Variants in DOP1B observed in about 807,000 individuals in gnomAD.
The protein encoded by DOP1B is protein DOP1B.
Under a neutral mutation model 233.5 loss-of-function variants are expected in DOP1B, and 174 were observed. The observed-to-expected ratio is 0.75, with a 90% CI of 0.66 to 0.85. DOP1B has a LOEUF of 0.85. Among genes scored for constraint, DOP1B ranks in the 40% least tolerant of loss-of-function variants. DOP1B has a pLI of 0.00. For synonymous variants in DOP1B, 1,190 were observed against 1,185.6 expected, an observed-to-expected ratio of 1.00 and a Z score of -0.08; for missense variants, 2,652 against 2,846.6, an observed-to-expected ratio of 0.93 and a Z score of 1.56.
rs368212998 is a variant in DOP1B, at chr21:36,211,978, C to G, written c.785C>G (p.Ser262Cys). ...ATTTCTCTGTCCTTCTAATAGGATT[C>G]CAATGAGAGAGCCATCCCCCTCCTC... ...FFFPFYTCLD[S>C]NERAIPLLRS... Residue 262 changes from serine (S) to cysteine (C), a missense_variant, in exon 7 of 37, where the codon TCC (serine) becomes TGC (cysteine). Physicochemically the swap from Ser to Cys is moderately radical, Grantham distance 112 (BLOSUM62 -1). Around this residue, in one of 3 missense-constraint regions of DOP1B, gnomAD observed 2,617 missense variants for 2,794.3 expected, o/e 0.94. Transcript: ENST00000691173. 4.3e-6 allele frequency: 7 copies of G among 1,613,860 alleles called. No homozygotes were observed. The highest frequency in any genetic ancestry group is 5.9e-6 in the Non-Finnish European group (7 of 1,179,996).
At chr21:36,276,554 A>G (rs778284319) in intron 27 of DOP1B, among the ~76,000 whole-genome samples, 6 of 151,826 alleles carry the variant, frequency 4.0e-5, no homozygotes, top group Non-Finnish European at 7.4e-5. Flanking sequence ...AAAAAGTTGA[A>G]TGATGGCCAG....
intron 2 of DOP1B, among the ~76,000 whole-genome samples, chr21:36,190,489 C>G (rs922435636): frequency 1.3e-5 from 2 of 151,864 alleles, no homozygotes; most frequent in Non-Finnish European, 2.9e-5. Flanking sequence ...CCTCTGCCTC[C>G]CGGGTTCAAG....
At position 36,250,545 on chromosome 21, in the gene DOP1B, T is replaced by C. The variant is rs533950476; in HGVS notation, c.4999-617T>C. The stretch of plus-strand genomic sequence containing the variant: ...GAGAGGATTTAACTACGGTGGGCAC[T>C]GCAGGCTGAGAGAGCGGTAGGATTT... On this transcript the variant is annotated intron_variant, in intron 21 of 36. Coordinates refer to ENST00000691173, the MANE Select transcript of DOP1B (RefSeq NM_001320714.2). 2.5e-4 allele frequency among the ~76,000 whole-genome samples: 38 copies of C among 152,242 alleles called. 1 individual carries two copies. The South Asian group carries it at 7.9e-3, about 32-fold the overall frequency.
chr21:36,159,425 C>T (rs6517333), intron 1 of DOP1B, among the ~76,000 whole-genome samples: 125,874 of 151,918 alleles, frequency 0.83, 52,311 homozygotes, highest in Non-Finnish European at 0.87. Flanking sequence ...CACTCCAGCC[C>T]GGTCAACAAG....
chr21:36,157,695 A>G (rs988357433), intron 1 of DOP1B, among the ~76,000 whole-genome samples: 1 of 152,238 alleles, frequency 6.6e-6, no homozygotes, highest in Non-Finnish European at 1.5e-5. Context: ...TTGAAAGACC[A>G]CATTCAAAAC....
intron 4 of DOP1B, among the ~76,000 whole-genome samples, chr21:36,203,744 G>T (rs2066398274): frequency 6.6e-6 from 1 of 152,090 alleles, no homozygotes; most frequent in African/African-American, 2.4e-5. Context: ...TGTAGGTGGA[G>T]GCTGTCCCTG....
intron 26 of DOP1B, among the ~76,000 whole-genome samples, chr21:36,265,017 C>A (rs770394839): frequency 6.6e-6 from 1 of 152,200 alleles, no homozygotes; most frequent in Non-Finnish European, 1.5e-5. Flanking sequence ...GATACTACTG[C>A]TAATCTTTAT....
chr21:36,246,289 C>A lies in DOP1B; in HGVS notation c.4309C>A (p.Leu1437Met). Reference sequence around the variant, plus strand: ...GGACCAGATCTGGAGTGAGCACCCGCTGCAGATTGAGCTGCTGAAGCTGCT... The same window carrying A: ...GGACCAGATCTGGAGTGAGCACCCGATGCAGATTGAGCTGCTGAAGCTGCT... The part of the protein sequence containing the change: ...GQDQIWSEHP[L>M]QIELLKLLQV... Residue 1437 changes from leucine (L) to methionine (M), a missense_variant, in exon 19 of 37, where the codon CTG becomes ATG. This residue lies in a region of DOP1B where 2,617 missense variants were observed against 2,794.3 expected (regional missense o/e 0.94). Transcript: ENST00000691173. This position sits in a 1 kb window ranked among gnomAD's most constrained non-coding sequence, Gnocchi z 5.1. 1 of 1,613,994 alleles carries A rather than the reference C, an allele frequency of 6.2e-7. No individual in the cohort carries two copies.
rs1256523218 is a variant in DOP1B at position 36,232,875 on chromosome 21, T to C, written c.2422T>C (p.Tyr808His). The C allele has an allele frequency of 1.2e-6, 2 of 1,613,840 alleles. No individual in the cohort carries two copies. The highest frequency in any genetic ancestry group is 1.7e-6 in the Non-Finnish European group (2 of 1,179,990). Residue 808 changes from tyrosine (Y) to histidine (H), a missense_variant, in exon 15 of 37, where the codon TAC becomes CAC. This residue lies in a region of DOP1B where 2,617 missense variants were observed against 2,794.3 expected (regional missense o/e 0.94). Coordinates refer to ENST00000691173, the MANE Select transcript of DOP1B (RefSeq NM_001320714.2). The part of the protein sequence containing the change: ...MTICCCVTDC[Y>H]LQNVAISTLL... ...TATTTGCTGCTGTGTGACTGACTGC[T>C]ACCTCCAGAACGTGGCCATTTCCAC...
At chr21:36,233,736 G>A (rs1184547617) in intron 15 of DOP1B, among the ~76,000 whole-genome samples, 1 of 152,192 alleles carries the variant, frequency 6.6e-6, no homozygotes. Context: ...TTATGGTTGT[G>A]TTGCTTGGGA....
chr21:36,176,087 G>GGTGTGTGCGTGTGTGTGT (rs1555886131), intron 2 of DOP1B, among the ~76,000 whole-genome samples: 41 of 96,592 alleles, frequency 4.2e-4, no homozygotes, highest in African/African-American at 1.3e-3. Flanking sequence ...TCGACTTTGG[G>GGTGTGTGCGTGTGTGTGT]GTGTGTGTGC....
intron 2 of DOP1B, among the ~76,000 whole-genome samples, chr21:36,195,517 G>A (rs9980048): frequency 0.14 from 21,446 of 152,078 alleles, 1,814 homozygotes; most frequent in South Asian, 0.21. Flanking sequence ...CTGGGTGACA[G>A]AGTGAGACCC....
intron 2 of DOP1B, among the ~76,000 whole-genome samples, chr21:36,186,215 A>G (rs1013019065): frequency 1.3e-4 from 20 of 151,230 alleles, no homozygotes; most frequent in Middle Eastern, 6.8e-3. Flanking sequence ...AAAAAAAAAA[A>G]GAAGTAATTT....
chr21:36,214,554 T>G lies in DOP1B; in HGVS notation c.1127T>G (p.Ile376Arg). Residue 376 changes from isoleucine to arginine, a missense_variant and splice_region_variant, in exon 9 of 37, where the codon ATA becomes AGA. Ile to Arg is a moderately conservative substitution (Grantham distance 97, BLOSUM62 -3). Around this residue, in one of 3 missense-constraint regions of DOP1B, gnomAD observed 2,617 missense variants for 2,794.3 expected, o/e 0.94. Transcript: ENST00000691173. Reference protein sequence around the residue: ...VLISLLDKPEIGPQVVGNLFL... With the variant: ...VLISLLDKPERGPQVVGNLFL... Reference sequence around the variant, plus strand: ...ATCAGTCTGCTTGACAAGCCAGAAATAGGTAATGTTAGAAATGCTGCTTCT... The same window carrying G: ...ATCAGTCTGCTTGACAAGCCAGAAAGAGGTAATGTTAGAAATGCTGCTTCT... 3 of 1,613,352 alleles carry G rather than the reference T, an allele frequency of 1.9e-6. No individual in the cohort carries two copies. The highest frequency in any genetic ancestry group is 2.5e-6 in the Non-Finnish European group (3 of 1,179,738).
At chr21:36,195,529 G>C (rs1242160441) in intron 2 of DOP1B, among the ~76,000 whole-genome samples, 1 of 152,046 alleles carries the variant, frequency 6.6e-6, no homozygotes, top group Non-Finnish European at 1.5e-5. Flanking sequence ...GTGAGACCCT[G>C]TCTCAAAAAA....
At chr21:36,205,462 C>A (rs1040516679) in intron 4 of DOP1B, among the ~76,000 whole-genome samples, 6 of 151,998 alleles carry the variant, frequency 3.9e-5, no homozygotes, top group African/African-American at 1.4e-4. Flanking sequence ...AATCTTGGCA[C>A]CCTGCAGCCT....
At chr21:36,207,500 T>A (rs971619458) in intron 4 of DOP1B, among the ~76,000 whole-genome samples, 3 of 66,812 alleles carry the variant, frequency 4.5e-5, no homozygotes, top group African/African-American at 2.8e-4. Flanking sequence ...GTTTTTTTTG[T>A]TTTTTTTTTT....
At chr21:36,171,418 T>C (rs1027332390) in intron 2 of DOP1B, among the ~76,000 whole-genome samples, 1 of 152,216 alleles carries the variant, frequency 6.6e-6, no homozygotes, top group Non-Finnish European at 1.5e-5. Flanking sequence ...TAACCCTTAG[T>C]ACCTCAGTAT....
At chr21:36,261,431 TTTTATGTGGAGAGG>T in intron 24 of DOP1B, 1 of 989,118 alleles carries the variant, frequency 1.0e-6, no homozygotes, top group Admixed American at 6.1e-5. Flanking sequence ...CCTTCCCATG[TTTTATGTGGAGAGG>T]TATCTGCTTT....
Sources: allele counts gnomAD v4.1 joint callset (sites outside exome capture counted in the v4.1 genomes callset), GRCh38; gene constraint gnomAD v4.1.1; regional missense constraint gnomAD v4.1.1; non-coding constraint Gnocchi (gnomAD v3.1); transcripts MANE v1.5; gene names NCBI Gene and HGNC (gene_info 2026-07-23, HGNC 2026-07-21).